The following PDE8B variants were observed in gnomAD, a reference collection of about 807,000 sequenced individuals.
PDE8B encodes phosphodiesterase 8B, also known as high affinity cAMP-specific and IBMX-insensitive 3',5'-cyclic phosphodiesterase 8B.
A neutral mutation model predicts 101.3 loss-of-function variants in PDE8B; 26 were observed. That is an observed-to-expected ratio of 0.26 (90% confidence interval 0.19 to 0.36). PDE8B has a LOEUF of 0.36. Ranked by LOEUF, PDE8B falls within the 10% of genes least tolerant of loss-of-function variation. The probability of loss-of-function intolerance (pLI) is 1.00; values close to 1 mark genes in which losing one functional copy is unlikely to be tolerated. For synonymous variants in PDE8B, 424 were observed against 429.3 expected, an observed-to-expected ratio of 0.99 and a Z score of 0.15; for missense variants, 810 against 1,163.1, an observed-to-expected ratio of 0.70 and a Z score of 4.42.
At chr5:77,106,518 G>A in the PDE8B span, among the ~76,000 whole-genome samples, 2 of 152,100 alleles carry the variant, frequency 1.3e-5, no homozygotes, top group Admixed American at 6.5e-5. Flanking sequence ...CTATGTTTTT[G>A]CCATTATCAG....
chr5:77,107,818 A>G, the PDE8B span, among the ~76,000 whole-genome samples: 2 of 152,208 alleles, frequency 1.3e-5, no homozygotes, highest in South Asian at 2.1e-4. Flanking sequence ...ATTAATATAT[A>G]TCTAACCTTC....
At chr5:77,354,513 A>G (rs550194088) in intron 10 of PDE8B, among the ~76,000 whole-genome samples, 3 of 152,328 alleles carry the variant, frequency 2.0e-5, no homozygotes, top group African/African-American at 7.2e-5. Flanking sequence ...GCTACATACC[A>G]GGAGAAAGAA....
chr5:77,228,618 A>C (rs1326406728), intron 1 of PDE8B, among the ~76,000 whole-genome samples: 3 of 152,088 alleles, frequency 2.0e-5, no homozygotes, highest in Non-Finnish European at 4.4e-5. Flanking sequence ...GGGGTAAAAT[A>C]CCTGAGGACC....
chr5:77,201,509 C>T, the PDE8B span, among the ~76,000 whole-genome samples: 1 of 152,294 alleles, frequency 6.6e-6, no homozygotes, highest in East Asian at 1.9e-4. Flanking sequence ...TGGACACTTT[C>T]TGGTTTCTAG....
At chr5:77,361,563 A>G (rs555706600) in intron 10 of PDE8B, among the ~76,000 whole-genome samples, 5 of 147,826 alleles carry the variant, frequency 3.4e-5, no homozygotes, top group South Asian at 4.2e-4. Context: ...TGCCCAGGCT[A>G]GAGTGCAGTG....
At chr5:77,160,401 C>T in the PDE8B span, among the ~76,000 whole-genome samples, 2 of 152,096 alleles carry the variant, frequency 1.3e-5, no homozygotes. Flanking sequence ...TGTTAGGTTT[C>T]GCATCCCATG....
At chr5:77,389,737 C>T (rs906534916) in intron 10 of PDE8B, among the ~76,000 whole-genome samples, 3 of 152,116 alleles carry the variant, frequency 2.0e-5, no homozygotes, top group African/African-American at 7.2e-5. Flanking sequence ...CGGTTGGCTT[C>T]TCTCACTCAT....
rs1457443800 is a variant in PDE8B at position 77,424,838 on chromosome 5, T to TTA, written c.2419-929_2419-928insTA. 1.1e-4 allele frequency among the ~76,000 whole-genome samples: 16 copies of TTA among 151,460 alleles called. 1 individual carries two copies. Among genetic ancestry groups the TTA allele is most frequent in the African/African-American group, 3.4e-4 (14 of 41,142 alleles). On this transcript the variant is annotated intron_variant, in intron 20 of 21. Coordinates refer to ENST00000264917, the MANE Select transcript of PDE8B (RefSeq NM_003719.5). ...TTTTTTGTTTTTTGTTTTTTGTTTT[T>TTA]AATGTGAGACAAGATCTCACTCTGT...
chr5:77,127,875 G>T, the PDE8B span, among the ~76,000 whole-genome samples: 2 of 152,130 alleles, frequency 1.3e-5, no homozygotes, highest in African/African-American at 4.8e-5. Context: ...TCCTATCAGG[G>T]TTCTAACTTT....
chr5:77,302,003 T>C (rs1204072240), intron 1 of PDE8B, among the ~76,000 whole-genome samples: 2 of 152,204 alleles, frequency 1.3e-5, no homozygotes, highest in Non-Finnish European at 2.9e-5. Flanking sequence ...TTCTAGACCA[T>C]TTTTTTCTTT....
chr5:77,131,224 T>G, the PDE8B span: 1 of 152,262 alleles, frequency 6.6e-6, no homozygotes, highest in African/African-American at 2.4e-5. Flanking sequence ...CATTTTAGTG[T>G]TGTTGTTCCC....
chr5:77,383,196 G>A (rs1445208670), intron 10 of PDE8B, among the ~76,000 whole-genome samples: 1 of 152,180 alleles, frequency 6.6e-6, no homozygotes, highest in East Asian at 1.9e-4. Context: ...CAGTGATGAT[G>A]AGCTTTCTTT....
Position 77,261,790 on chromosome 5 carries a change from G to A in PDE8B, c.340-50204G>A, listed in dbSNP as rs571941190. On this transcript the variant is annotated intron_variant, in intron 1 of 21. Transcript: ENST00000264917. ...GTGCTTCTAAATCCCAATGGTTGCC[G>A]GGCCTTACTCCTGACTTTTAGAAGG... Among the ~76,000 whole-genome samples, 3 of 152,292 alleles carry A rather than the reference G, an allele frequency of 2.0e-5. No homozygotes were observed. In the South Asian group the frequency reaches 6.2e-4, roughly 32 times the overall value.
At chr5:77,362,966 A>G (rs1271131426) in intron 10 of PDE8B, among the ~76,000 whole-genome samples, 1 of 152,160 alleles carries the variant, frequency 6.6e-6, no homozygotes, top group Non-Finnish European at 1.5e-5. Flanking sequence ...GGGCAGCATC[A>G]TGTCTTGGTC....
Position 77,418,238 on chromosome 5 carries a change from G to C in PDE8B, c.1921G>C (p.Asp641His). 6.2e-7 allele frequency: 1 copy of C among 1,611,364 alleles called. No individual in the cohort carries two copies. Among genetic ancestry groups the C allele is most frequent in the Non-Finnish European group, 8.5e-7 (1 of 1,177,520 alleles). The change falls in exon 18 of 22, where the codon GAT becomes CAT. Residue 641 changes from aspartate (D) to histidine (H), a missense_variant. Asp to His is a moderately conservative substitution (Grantham distance 81). Transcript: ENST00000264917. ...LGKERVKGSLDQLDEVAALIA... is the reference protein window; with the variant it reads ...LGKERVKGSLHQLDEVAALIA... Reference sequence around the variant, plus strand: ...CCTCCCCATATCCCAGGGAAGCCTCGATCAGTTGGATGAGGTGGCAGCCCT... The same window carrying C: ...CCTCCCCATATCCCAGGGAAGCCTCCATCAGTTGGATGAGGTGGCAGCCCT...
intron 20 of PDE8B, among the ~76,000 whole-genome samples, chr5:77,425,454 G>A (rs1007263407): frequency 2.5e-4 from 38 of 152,176 alleles, no homozygotes; most frequent in African/African-American, 8.4e-4. Flanking sequence ...TCAGGAGGCT[G>A]AGGCAGAAGA....
the PDE8B span, among the ~76,000 whole-genome samples, chr5:77,192,147 C>T: frequency 5.9e-5 from 9 of 152,272 alleles, no homozygotes; most frequent in Admixed American, 5.2e-4. Flanking sequence ...GGCCCAGTTC[C>T]CAACAGGCCA....
rs764528409 is a variant in PDE8B at position 77,425,911 on chromosome 5, G to A, written c.2548+15G>A. 13 of 1,611,662 alleles carry A rather than the reference G, an allele frequency of 8.1e-6. No homozygotes were observed. Among genetic ancestry groups the A allele is most frequent in the Middle Eastern group, 1.7e-4 (1 of 6,034 alleles). Reference sequence around the variant, plus strand: ...TGCTTGGGATGGTAAGACAGTTACTGTTTTGTCACCCAAAGAAAATTGTTA... The same window carrying A: ...TGCTTGGGATGGTAAGACAGTTACTATTTTGTCACCCAAAGAAAATTGTTA... On this transcript the variant is annotated intron_variant, in intron 21 of 21. Transcript: ENST00000264917.
chr5:77,312,284 A>T (rs777596145), intron 2 of PDE8B, among the ~76,000 whole-genome samples: 1 of 151,476 alleles, frequency 6.6e-6, no homozygotes, highest in East Asian at 1.9e-4. Flanking sequence ...TTGTATTTTT[A>T]ATAGTGATGG....
Sources: allele counts gnomAD v4.1 joint callset (sites outside exome capture counted in the v4.1 genomes callset), GRCh38; gene constraint gnomAD v4.1.1; transcripts MANE v1.5; gene names NCBI Gene and HGNC (gene_info 2026-07-23, HGNC 2026-07-21).